ACVRL1: variants seen among roughly 807,000 people sequenced by gnomAD.
ACVRL1 encodes the protein activin receptor type-1-like.
A neutral mutation model predicts 51.9 loss-of-function variants in ACVRL1; 20 were observed. The observed-to-expected ratio is 0.39, with a 90% confidence interval of 0.27 to 0.56. The LOEUF (loss-of-function observed/expected upper bound fraction) is 0.56, where lower values mean the gene tolerates loss of function less well. Ranked by LOEUF, ACVRL1 falls within the 20% of genes least tolerant of loss-of-function variation. The pLI is 0.67. For missense variants in ACVRL1, 451 were observed against 670.3 expected (o/e 0.67, Z 3.61); for synonymous variants, 288 against 280.9 (o/e 1.03, Z -0.25).
rs1159848837 is a variant in ACVRL1 at position 51,921,664 on chromosome 12, G to C, written c.*771G>C. ...AGGTCAGTGGGTGTCAAGAGACCCA[G>C]GTCTGACCCCGGATGTTTGCTCCAT... On this transcript the variant is annotated 3_prime_UTR_variant, in exon 10 of 10. Transcript: ENST00000388922. 6.5e-6 allele frequency: 1 copy of C among 152,816 alleles called. No individual in the cohort carries two copies. Among genetic ancestry groups the C allele is most frequent in the African/African-American group, 2.4e-5 (1 of 41,458 alleles). 9.5% of individuals were successfully genotyped at this position (152,816 alleles called of 1,614,324 possible). A position where few individuals can be genotyped will look rare whatever the true frequency, so the allele number is the denominator to read the frequency against.
Position 51,921,219 on chromosome 12 carries a change from C to T in ACVRL1, c.*326C>T. The stretch of plus-strand genomic sequence containing the variant: ...GTCAGAGTGCCAAGCCAGGGAATCC[C>T]AGTCCCAGACTCAGAGCCCGGGCCT... On this transcript the variant is annotated 3_prime_UTR_variant, in exon 10 of 10. Transcript: ENST00000388922. 2.6e-6 allele frequency: 1 copy of T among 384,862 alleles called. No individual in the cohort carries two copies. The highest frequency in any genetic ancestry group is 2.1e-5 in the South Asian group (1 of 47,182). The allele number at this position is 384,862 out of a possible 1,614,324, so 23.8% of individuals were successfully genotyped here.
chr12:51,919,359 GGC>G, intron 9 of ACVRL1: 3 of 574,852 alleles, frequency 5.2e-6, no homozygotes, highest in East Asian at 6.2e-5. Context: ...GGCTATCTGT[GGC>G]TCTGTGTGTG....
chr12:51,920,942 G>GGGCC lies in ACVRL1; in HGVS notation c.*51_*52insCCGG. 1 of 629,042 alleles carries GGGCC rather than the reference G, an allele frequency of 1.6e-6. No homozygotes were observed. Among genetic ancestry groups the GGGCC allele is most frequent in the Non-Finnish European group, 2.9e-6 (1 of 341,658 alleles). The allele number at this position is 629,042 out of a possible 1,614,324, so 39.0% of individuals were successfully genotyped here. A position where few individuals can be genotyped will look rare whatever the true frequency, so the allele number is the denominator to read the frequency against. On this transcript the variant is annotated 3_prime_UTR_variant, in exon 10 of 10. Coordinates refer to ENST00000388922, the MANE Select transcript of ACVRL1 (RefSeq NM_000020.3). ...TGCCTGCAGGGGGCTGGGGGGGTGG[G>GGGCC]GGGCAGTGGATGGTGCCCTATCTGG... is the stretch of plus-strand genomic sequence containing the variant.
intron 7 of ACVRL1, chr12:51,915,770 A>G: frequency 3.1e-6 from 2 of 642,168 alleles, no homozygotes; most frequent in Non-Finnish European, 5.3e-6. Context: ...GCCAGCCTCC[A>G]GGTCTGCTCT....
intron 1 of ACVRL1, among the ~76,000 whole-genome samples, chr12:51,911,915 C>A (rs887103518): frequency 2.0e-5 from 3 of 152,196 alleles, no homozygotes; most frequent in Non-Finnish European, 2.9e-5. Context: ...CCCTGCTGTG[C>A]GTGACTCCTG....
Position 51,915,367 on chromosome 12 carries a change from C to T in ACVRL1, c.915C>T (p.Ser305=). The change falls in exon 7 of 10, where the codon TCC becomes TCT. Residue 305 remains serine, a synonymous_variant. Transcript: ENST00000388922. ...EPHLALRLAV[S]AACGLAHLHV... ...ATCTGGCTCTGAGGCTAGCTGTGTC[C>T]GCGGCATGCGGCCTGGCGCACCTGC... 2.5e-6 allele frequency: 4 copies of T among 1,614,108 alleles called. No individual in the cohort carries two copies. The highest frequency in any genetic ancestry group is 2.5e-6 in the Non-Finnish European group (3 of 1,180,056).
At chr12:51,911,773 C>T (rs958306411) in intron 1 of ACVRL1, among the ~76,000 whole-genome samples, 1 of 152,174 alleles carries the variant, frequency 6.6e-6, no homozygotes, top group Non-Finnish European at 1.5e-5. Context: ...CACAGGATGT[C>T]CACCTAGAAT....
Position 51,915,469 on chromosome 12 carries a change from G to T in ACVRL1, c.1017G>T (p.Lys339Asn). 1 of 1,612,298 alleles carries T rather than the reference G, an allele frequency of 6.2e-7. No individual in the cohort carries two copies. The highest frequency in any genetic ancestry group is 1.1e-5 in the South Asian group (1 of 91,030). The change falls in exon 7 of 10, where the codon AAG becomes AAT. Residue 339 changes from lysine (K) to asparagine (N), a missense_variant. Physicochemically the swap from Lys to Asn is moderately conservative, Grantham distance 94. Around this residue, in one of 2 missense-constraint regions of ACVRL1, gnomAD observed 259 missense variants for 453.4 expected, o/e 0.57. Coordinates refer to ENST00000388922, the MANE Select transcript of ACVRL1 (RefSeq NM_000020.3). ...TCAAGAGCCGCAATGTGCTGGTCAA[G>T]AGCAACCTGCAGTGTTGCATCGCCG... ...RDFKSRNVLV[K>N]SNLQCCIADL...
intron 3 of ACVRL1, 37 bp downstream of exon 3, chr12:51,913,387 C>T (rs1337567443): frequency 6.2e-7 from 1 of 1,605,024 alleles, no homozygotes; most frequent in Admixed American, 1.7e-5. Context: ...TCCCCATCTT[C>T]TTGGCCCCTG....
intron 2 of ACVRL1, 78 bp from the exon 3 acceptor site, chr12:51,913,021 A>T: frequency 6.4e-7 from 1 of 1,554,622 alleles, no homozygotes; most frequent in Non-Finnish European, 8.6e-7. Context: ...CGAGAGGGAC[A>T]GTAGGACAGA....
At chr12:51,914,108 A>C (rs1940768230) in intron 5 of ACVRL1, 35 bp downstream of exon 5, 1 of 1,598,954 alleles carries the variant, frequency 6.3e-7, no homozygotes, top group African/African-American at 1.3e-5. Context: ...ATGAGGACCA[A>C]GGGCTCTCAT....
At chr12:51,919,451 A>G (rs1940919274) in intron 9 of ACVRL1, 2 of 391,440 alleles carry the variant, frequency 5.1e-6, no homozygotes, top group Admixed American at 3.7e-5. Context: ...GCTGGGGTGC[A>G]GTGGCACAGT....
intron 9 of ACVRL1, 125 bp downstream of exon 9, chr12:51,919,240 A>G: frequency 6.9e-7 from 1 of 1,441,170 alleles, no homozygotes; most frequent in Non-Finnish European, 9.5e-7. Context: ...TGGTTAGGGC[A>G]CCTCTCTAGG....
chr12:51,919,527 C>T (rs1271817499), intron 9 of ACVRL1, among the ~76,000 whole-genome samples: 3 of 151,998 alleles, frequency 2.0e-5, no homozygotes, highest in Admixed American at 1.3e-4. Context: ...TCCCCAGTAG[C>T]TAGGTGTAGT....
In ACVRL1 at chr12:51,915,340, C is replaced by T. The variant is rs776879586; in HGVS notation, c.888C>T (p.Pro296=). ...TTCTGCAGAGACAGACGCTGGAGCC[C>T]CATCTGGCTCTGAGGCTAGCTGTGT... ...YDFLQRQTLE[P]HLALRLAVSA... Residue 296 remains proline, a synonymous_variant, in exon 7 of 10, where the codon CCC becomes CCT. Transcript: ENST00000388922. The T allele has an allele frequency of 4.3e-6, 7 of 1,614,080 alleles. No homozygotes were observed. In the South Asian group the frequency reaches 4.4e-5, roughly 10 times the overall value.
chr12:51,919,363 C>CTG lies in ACVRL1; in HGVS notation c.1377+288_1377+289dup, dbSNP rs55945390. ...GAAAAGTCAGAGGCTATCTGTGGCT[C>CTG]TGTGTGTGTGTGTGTGTGTGTGTGT... On this transcript the variant is annotated intron_variant, in intron 9 of 9. Coordinates refer to ENST00000388922, the MANE Select transcript of ACVRL1 (RefSeq NM_000020.3). 0.17 allele frequency: 66,157 copies of CTG among 383,572 alleles called. 3,570 individuals carry two copies. Among genetic ancestry groups the CTG allele is most frequent in the East Asian group, 0.23 (4,180 of 18,116 alleles). The allele number at this position is 383,572 out of a possible 1,614,324, so 23.8% of individuals were successfully genotyped here.
In ACVRL1 at chr12:51,914,062, T is replaced by A; in HGVS notation, c.614T>A (p.Val205Glu). 1 of 1,613,140 alleles carries A rather than the reference T, an allele frequency of 6.2e-7. No individual in the cohort carries two copies. Among genetic ancestry groups the A allele is most frequent in the East Asian group, 2.2e-5 (1 of 44,838 alleles). Residue 205 changes from valine to glutamate, a missense_variant, in exon 5 of 10, where the codon GTG becomes GAG. Coordinates refer to ENST00000388922, the MANE Select transcript of ACVRL1 (RefSeq NM_000020.3). ...QRTVARQVAL[V>E]ECVGKGRYGE... is the part of the protein sequence containing the mutation. Reference sequence around the variant, plus strand: ...ACAGTGGCACGGCAGGTTGCCTTGGTGGAGTGTGTGGGTGAGCAGTGGGTG... The same window carrying A: ...ACAGTGGCACGGCAGGTTGCCTTGGAGGAGTGTGTGGGTGAGCAGTGGGTG...
At chr12:51,907,475 A>G (rs1205093055), upstream of ACVRL1, 1 of 152,144 alleles carries the variant, frequency 6.6e-6, no homozygotes, top group African/African-American at 2.4e-5. This position sits in a 1 kb window ranked among gnomAD's most constrained non-coding sequence, Gnocchi z 4.5. Context: ...AGACGCTGGA[A>G]TAAGAAACAT....
intron 3 of ACVRL1, 67 bp from the exon 4 acceptor site, chr12:51,913,492 G>A: frequency 6.5e-7 from 1 of 1,543,068 alleles, no homozygotes; most frequent in Non-Finnish European, 8.7e-7. Context: ...AACTGGCAGA[G>A]TGGTCTGGCC....
Sources: gnomAD v4.1 joint callset for allele counts (sites outside exome capture counted in the v4.1 genomes callset) on GRCh38, gnomAD v4.1.1 for gene constraint, gnomAD v4.1.1 regional missense constraint, Gnocchi (gnomAD v3.1) non-coding constraint, MANE v1.5 for transcripts, NCBI Gene and HGNC (gene_info 2026-07-23, HGNC 2026-07-21) for gene names.